CDK20: variants seen among roughly 807,000 people sequenced by gnomAD.
CDK20 encodes cyclin-dependent kinase 20.
Under a neutral mutation model 38.6 loss-of-function variants are expected in CDK20, and 40 were observed. The observed-to-expected ratio is 1.04, with a 90% CI of 0.81 to 1.35. The LOEUF (loss-of-function observed/expected upper bound fraction) is 1.35, where lower values mean the gene tolerates loss of function less well. Among genes scored for constraint, CDK20 ranks in the 40% most tolerant of loss-of-function variants. The pLI, the probability that CDK20 is intolerant of heterozygous loss-of-function variation, is 0.00. For synonymous variants in CDK20, 209 were observed against 185.7 expected, an observed-to-expected ratio of 1.13 and a Z score of -1.02; for missense variants, 512 against 452.6, an observed-to-expected ratio of 1.13 and a Z score of -1.19.
At chr9:87,969,704 G>C in intron 6 of CDK20, 92 bp downstream of exon 6, 2 of 1,574,384 alleles carry the variant, frequency 1.3e-6, no homozygotes, top group South Asian at 1.2e-5. Context: ...TTGGGGCCAG[G>C]AGAGAGAAGG....
At chr9:87,971,527 G>C (rs1055302966) in intron 2 of CDK20, among the ~76,000 whole-genome samples, 192 bp from the exon 3 acceptor site, 2 of 152,164 alleles carry the variant, frequency 1.3e-5, no homozygotes, top group African/African-American at 2.4e-5. Context: ...CTGAGATAAG[G>C]TGTGCCCCCA....
rs1170161716 is a variant in CDK20, at chr9:87,971,168, A to G, written c.357T>C (p.His119=). Residue 119 remains histidine (H), a synonymous_variant, in exon 3 of 8, where the codon CAT becomes CAC. Coordinates refer to ENST00000325303, the MANE Select transcript of CDK20 (RefSeq NM_001039803.3). ...QMLLKGVAFC[H]ANNIVHRDLK... Reference sequence around the variant, plus strand: ...TGACCCGATGTACAATGTTGTTGGCATGGCAGAAGGCGACACCCTTGAGCA... The same window carrying G: ...TGACCCGATGTACAATGTTGTTGGCGTGGCAGAAGGCGACACCCTTGAGCA... 2 of 1,614,018 alleles carry G rather than the reference A, an allele frequency of 1.2e-6. No individual in the cohort carries two copies. Among genetic ancestry groups the G allele is most frequent in the Non-Finnish European group, 1.7e-6 (2 of 1,179,986 alleles).
chr9:87,971,233 G>A lies in CDK20; in HGVS notation c.292C>T (p.Pro98Ser). 6.2e-7 allele frequency: 1 copy of A among 1,614,168 alleles called. No homozygotes were observed. Among genetic ancestry groups the A allele is most frequent in the Non-Finnish European group, 8.5e-7 (1 of 1,180,028 alleles). The change falls in exon 3 of 8, where the codon CCA becomes TCA. Residue 98 changes from proline to serine, a missense_variant. Transcript: ENST00000325303. Reference sequence around the variant, plus strand: ...CTCTTGACCTGTGCCTGGGCTAGTGGCCTCTGGGCATGGCGCACCACCTCG... The same window carrying A: ...CTCTTGACCTGTGCCTGGGCTAGTGACCTCTGGGCATGGCGCACCACCTCG... ...LAEVVRHAQR[P>S]LAQAQVKSYL... is the part of the protein sequence containing the mutation.
At chr9:87,971,817 A>T (rs571991373) in intron 2 of CDK20, among the ~76,000 whole-genome samples, 2 of 152,254 alleles carry the variant, frequency 1.3e-5, no homozygotes, top group Admixed American at 1.3e-4. Context: ...GCTGAGAGAC[A>T]GGACTCTTAA....
At chr9:87,972,659 G>A (rs1454456837) in intron 2 of CDK20, among the ~76,000 whole-genome samples, 2 of 152,308 alleles carry the variant, frequency 1.3e-5, no homozygotes, top group Admixed American at 1.3e-4. Context: ...GAGAGCAGTG[G>A]GGAGGCTGCC....
Position 87,971,343 on chromosome 9 carries a change from C to T in CDK20, c.190-8G>A, listed in dbSNP as rs377363483. The T allele has an allele frequency of 1.2e-6, 2 of 1,606,862 alleles. No individual in the cohort carries two copies. The highest frequency in any genetic ancestry group is 1.7e-6 in the Non-Finnish European group (2 of 1,176,184). ...AGCCTTCAGTTGTACCACCTGTGGG[C>T]AGGACATCTTGTTAGCCCCCAGACT... On this transcript the variant is annotated splice_polypyrimidine_tract_variant and splice_region_variant and intron_variant, in intron 2 of 7. Transcript: ENST00000325303.
At chr9:87,971,415 C>T (rs559331365) in intron 2 of CDK20, 80 bp from the exon 3 acceptor site, 11 of 1,309,226 alleles carry the variant, frequency 8.4e-6, no homozygotes, top group Non-Finnish European at 1.2e-5. Context: ...AGCCCATGCC[C>T]TGACAGAGGA....
chr9:87,968,953 A>T (rs1222004812), intron 7 of CDK20: 7 of 529,842 alleles, frequency 1.3e-5, no homozygotes, highest in Non-Finnish European at 2.4e-5. Context: ...AGAGTTGGGC[A>T]TGCCCCTCGT....
intron 2 of CDK20, among the ~76,000 whole-genome samples, chr9:87,972,617 C>T (rs994216517): frequency 1.3e-5 from 2 of 152,198 alleles, no homozygotes; most frequent in Non-Finnish European, 2.9e-5. Flanking sequence ...TTAACTTACA[C>T]TTTTGACAAA....
At chr9:87,972,596 G>T (rs1437394458) in intron 2 of CDK20, among the ~76,000 whole-genome samples, 1 of 152,212 alleles carries the variant, frequency 6.6e-6, no homozygotes, top group Non-Finnish European at 1.5e-5. Flanking sequence ...TTACGCAGGG[G>T]AGCCGATGAC....
chr9:87,966,830 G>C lies in CDK20; in HGVS notation c.*632C>G. The C allele has an allele frequency of 2.8e-6, 1 of 357,374 alleles. No homozygotes were observed. The highest frequency in any genetic ancestry group is 2.1e-5 in the South Asian group (1 of 47,092). 22.1% of individuals were successfully genotyped at this position (357,374 alleles called of 1,614,324 possible). A position where few individuals can be genotyped will look rare whatever the true frequency, so the allele number is the denominator to read the frequency against. ...CTAAATGAGTGCTCAGTGATGTGAA[G>C]TACACAGGAGTCCCTCAGGGCAAAA... On this transcript the variant is annotated 3_prime_UTR_variant, in exon 8 of 8. Coordinates refer to ENST00000325303, the MANE Select transcript of CDK20 (RefSeq NM_001039803.3).
chr9:87,969,496 TCACC>T, intron 6 of CDK20, 147 bp from the exon 7 acceptor site: 1 of 895,434 alleles, frequency 1.1e-6, no homozygotes, highest in Non-Finnish European at 1.7e-6. Flanking sequence ...ATTCATTCAC[TCACC>T]CACCCCTGTA....
intron 6 of CDK20, 139 bp from the exon 7 acceptor site, chr9:87,969,488 T>C (rs1829697402): frequency 1.1e-6 from 1 of 935,662 alleles, no homozygotes; most frequent in Non-Finnish European, 1.6e-6. Context: ...GACCCATCAT[T>C]CATTCACTCA....
chr9:87,970,784 C>T lies in CDK20; in HGVS notation c.492G>A (p.Val164=). Residue 164 remains valine (V), a synonymous_variant, in exon 4 of 8, where the codon GTG becomes GTA. Transcript: ENST00000325303. ...GATCTGGCCCTCCCTACCTGGTGGC[C>T]ACCTGGTGTGTGTAGAGGCGGCTGC... ...PDGSRLYTHQ[V]ATRWYRAPEL... is the part of the protein sequence containing the mutation. The T allele has an allele frequency of 3.1e-6, 5 of 1,614,136 alleles. No homozygotes were observed. Among genetic ancestry groups the T allele is most frequent in the South Asian group, 1.1e-5 (1 of 91,076 alleles).
chr9:87,971,355 T>C lies in CDK20; in HGVS notation c.190-20A>G, dbSNP rs760742841. 1.3e-6 allele frequency: 2 copies of C among 1,597,284 alleles called. No individual in the cohort carries two copies. The highest frequency in any genetic ancestry group is 2.3e-5 in the East Asian group (1 of 44,208). On this transcript the variant is annotated intron_variant, in intron 2 of 7. Transcript: ENST00000325303. ...TACCACCTGTGGGCAGGACATCTTG[T>C]TAGCCCCCAGACTCAAGTCACCAGA... is the stretch of plus-strand genomic sequence containing the variant.
intron 2 of CDK20, among the ~76,000 whole-genome samples, chr9:87,972,925 G>A (rs1356158984): frequency 6.6e-6 from 1 of 152,060 alleles, no homozygotes; most frequent in Non-Finnish European, 1.5e-5. Flanking sequence ...CAAAACACAT[G>A]CACACATTCA....
intron 2 of CDK20, among the ~76,000 whole-genome samples, chr9:87,973,354 G>A (rs1189970564): frequency 6.6e-6 from 1 of 152,174 alleles, no homozygotes; most frequent in African/African-American, 2.4e-5. Flanking sequence ...CTCAGGAGCT[G>A]GGCTGGAGCT....
In CDK20 at chr9:87,974,461, G is replaced by A. The variant is rs1378932440; in HGVS notation, c.-15C>T. ...TACTGGTCCATCCCGCTGCAGTCGT[G>A]GGCCTGTGCCCCTGTGCCCCTGAAC... On this transcript the variant is annotated 5_prime_UTR_variant, in exon 1 of 8. Transcript: ENST00000325303. 1.2e-6 allele frequency: 2 copies of A among 1,608,168 alleles called. No individual in the cohort carries two copies. The highest frequency in any genetic ancestry group is 3.3e-5 in the Admixed American group (2 of 59,840).
chr9:87,966,469 T>TA lies in CDK20; in HGVS notation c.*992_*993insT, dbSNP rs1829447103. 1 of 153,766 alleles carries TA rather than the reference T, an allele frequency of 6.5e-6. No homozygotes were observed. The highest frequency in any genetic ancestry group is 2.4e-5 in the African/African-American group (1 of 41,454). 9.5% of individuals were successfully genotyped at this position (153,766 alleles called of 1,614,324 possible). A position where few individuals can be genotyped will look rare whatever the true frequency, so the allele number is the denominator to read the frequency against. Reference sequence around the variant, plus strand: ...TTATCCTTGAACCACAATCATACTCTTTATTATTATACAAACTTTTAAATA... The same window carrying TA: ...TTATCCTTGAACCACAATCATACTCTATTATTATTATACAAACTTTTAAATA... On this transcript the variant is annotated 3_prime_UTR_variant, in exon 8 of 8. Coordinates refer to ENST00000325303, the MANE Select transcript of CDK20 (RefSeq NM_001039803.3).
Sources: allele counts gnomAD v4.1 joint callset (sites outside exome capture counted in the v4.1 genomes callset), GRCh38; gene constraint gnomAD v4.1.1; transcripts MANE v1.5; gene names NCBI Gene and HGNC (gene_info 2026-07-23, HGNC 2026-07-21).